The following CDC27 variants were observed in gnomAD, a reference collection of about 807,000 sequenced individuals.
The protein encoded by CDC27 is cell division cycle protein 27 homolog.
A neutral mutation model predicts 109.7 loss-of-function variants in CDC27; 27 were observed. The ratio of observed to expected loss-of-function variants is 0.25; its 90% CI spans 0.18 to 0.34. CDC27 has a LOEUF of 0.34. Among genes scored for constraint, CDC27 ranks in the 10% least tolerant of loss-of-function variants. The pLI, the probability that CDC27 is intolerant of heterozygous loss-of-function variation, is 1.00. For missense variants in CDC27, 579 were observed against 960.2 expected, an observed-to-expected ratio of 0.60 and a Z score of 5.25; for synonymous variants, 266 against 333.9, an observed-to-expected ratio of 0.80 and a Z score of 2.22.
At chr17:47,149,676 T>G (rs2063095134) in intron 9 of CDC27, among the ~76,000 whole-genome samples, 1 of 151,854 alleles carries the variant, frequency 6.6e-6, no homozygotes, top group Admixed American at 6.6e-5. Flanking sequence ...AAATTTCAGC[T>G]GGGCATGGTA....
At chr17:47,163,449 C>A (rs1263199674) in intron 4 of CDC27, among the ~76,000 whole-genome samples, 1 of 152,056 alleles carries the variant, frequency 6.6e-6, no homozygotes, top group Admixed American at 6.6e-5. Flanking sequence ...GCCTGTAATC[C>A]CAGCACTTTG....
intron 10 of CDC27, 42 bp downstream of exon 10, chr17:47,143,841 G>A (rs774312667): frequency 4.7e-5 from 43 of 907,808 alleles, no homozygotes; most frequent in South Asian, 7.9e-5. Flanking sequence ...GTTAGCAGGC[G>A]AAGCATTAAG....
chr17:47,188,973 G>T, intron 1 of CDC27, 173 bp downstream of exon 1: 1 of 1,466,126 alleles, frequency 6.8e-7, no homozygotes, highest in Non-Finnish European at 9.1e-7. Context: ...GAGGTAACAC[G>T]GCTTAGGCTG....
chr17:47,140,499 A>G (rs149846983), intron 12 of CDC27, among the ~76,000 whole-genome samples: 2 of 152,332 alleles, frequency 1.3e-5, no homozygotes, highest in African/African-American at 4.8e-5. Context: ...AGTTTTCAGA[A>G]TCTGTTGCTT....
intron 17 of CDC27, among the ~76,000 whole-genome samples, chr17:47,123,201 C>T (rs943436846): frequency 7.2e-5 from 11 of 152,050 alleles, no homozygotes; most frequent in Non-Finnish European, 1.3e-4. Flanking sequence ...GGATTATAAA[C>T]TGCTTAATTA....
chr17:47,178,064 T>C (rs527332471), intron 2 of CDC27, among the ~76,000 whole-genome samples: 4 of 152,138 alleles, frequency 2.6e-5, no homozygotes, highest in African/African-American at 9.6e-5. Flanking sequence ...ATGCTTACAA[T>C]GGGGGAAGGG....
At chr17:47,163,919 A>C (rs2063567631) in intron 4 of CDC27, among the ~76,000 whole-genome samples, 1 of 152,018 alleles carries the variant, frequency 6.6e-6, no homozygotes, top group Admixed American at 6.6e-5. Flanking sequence ...TCGTGTCACC[A>C]CGCCCAGCTG....
At chr17:47,126,801 A>AT (rs2062154577) in intron 16 of CDC27, among the ~76,000 whole-genome samples, 1 of 150,626 alleles carries the variant, frequency 6.6e-6, no homozygotes, top group Non-Finnish European at 1.5e-5. Context: ...TTATGAAAAA[A>AT]ATTTTTTTTT....
chr17:47,125,718 A>G (rs1305568633), intron 16 of CDC27, among the ~76,000 whole-genome samples: 1 of 150,130 alleles, frequency 6.7e-6, no homozygotes, highest in Non-Finnish European at 1.5e-5. Context: ...TAATTTTTGT[A>G]TTTTTAGTAG....
At chr17:47,176,711 G>C (rs1282217201) in intron 2 of CDC27, among the ~76,000 whole-genome samples, 1 of 152,154 alleles carries the variant, frequency 6.6e-6, no homozygotes, top group Non-Finnish European at 1.5e-5. Context: ...GGCAGGGAAC[G>C]GGAGATAAGG....
intron 6 of CDC27, 29 bp downstream of exon 6, chr17:47,157,201 T>A: frequency 6.3e-7 from 1 of 1,587,726 alleles, no homozygotes; most frequent in Non-Finnish European, 8.6e-7. Flanking sequence ...TTTCATAATA[T>A]TTTGAACACT....
chr17:47,155,443 A>G (rs948316318), intron 7 of CDC27, among the ~76,000 whole-genome samples: 1 of 152,026 alleles, frequency 6.6e-6, no homozygotes, highest in African/African-American at 2.4e-5. Context: ...ATAGGGTTTC[A>G]CCATGTTGGC....
At position 47,120,604 on chromosome 17, in the gene CDC27, TC is replaced by T. The variant is rs767315582; in HGVS notation, c.*330del. On this transcript the variant is annotated 3_prime_UTR_variant, in exon 19 of 19. Transcript: ENST00000066544. ...CTCTGGTTCATCACTATTTTCCATA[TC>T]TAATGGTTCCTTCAAGATAAAGCAT... 3 of 190,016 alleles carry T rather than the reference TC, an allele frequency of 1.6e-5. No homozygotes were observed. The highest frequency in any genetic ancestry group is 3.2e-5 in the Non-Finnish European group (3 of 92,550). The allele number at this position is 190,016 out of a possible 1,614,324, so 11.8% of individuals were successfully genotyped here.
Position 47,149,135 on chromosome 17 carries a change from CA to C in CDC27, c.1070+2670del, listed in dbSNP as rs562324410. Among the ~76,000 whole-genome samples the C allele has an allele frequency of 4.3e-3, 628 of 145,662 alleles. 3 individuals carry two copies. The highest frequency in any genetic ancestry group is 0.011 in the Middle Eastern group (3 of 276). ...ATTCTTGCCTAGTAAAAATATTGTTCAAAAATAAAGATGAAATAAGAACTTT... is the reference window on the plus strand; with the variant it reads ...ATTCTTGCCTAGTAAAAATATTGTTCAAAATAAAGATGAAATAAGAACTTT... On this transcript the variant is annotated intron_variant, in intron 9 of 18. Transcript: ENST00000066544.
chr17:47,154,546 G>T, intron 8 of CDC27, 126 bp downstream of exon 8: 1 of 582,792 alleles, frequency 1.7e-6, no homozygotes, highest in Non-Finnish European at 3.1e-6. Flanking sequence ...CCCTCTACCT[G>T]CTGGGTTCAA....
chr17:47,145,813 C>T (rs2062941223), intron 9 of CDC27, among the ~76,000 whole-genome samples: 1 of 151,760 alleles, frequency 6.6e-6, no homozygotes. Context: ...AGTGTAATCA[C>T]TTGAACCCGG....
chr17:47,132,787 A>T (rs1481460802), intron 14 of CDC27, among the ~76,000 whole-genome samples: 3 of 126,098 alleles, frequency 2.4e-5, no homozygotes, highest in African/African-American at 9.2e-5. Context: ...ATTATATTTT[A>T]AAGATAGCAC....
chr17:47,172,146 C>CAAA, intron 2 of CDC27, 82 bp from the exon 3 acceptor site: 2 of 670,308 alleles, frequency 3.0e-6, no homozygotes, highest in Non-Finnish European at 4.2e-6. Flanking sequence ...ACAAGTTTAG[C>CAAA]AAAAAAAAAA....
Position 47,122,434 on chromosome 17 carries a change from T to TGATA in CDC27, c.2392+6_2392+9dup. Reference sequence around the variant, plus strand: ...TTCTAAATACTCAAAATCATATGTATGATACTTACTGATCTGTTCTTCTTG... The same window carrying TGATA: ...TTCTAAATACTCAAAATCATATGTATGATAGATACTTACTGATCTGTTCTTCTTG... On this transcript the variant is annotated intron_variant, in intron 18 of 18. Transcript: ENST00000066544. 6.4e-7 allele frequency: 1 copy of TGATA among 1,562,974 alleles called. No individual in the cohort carries two copies. Among genetic ancestry groups the TGATA allele is most frequent in the South Asian group, 1.2e-5 (1 of 83,412 alleles).
Sources: allele counts gnomAD v4.1 joint callset (sites outside exome capture counted in the v4.1 genomes callset), GRCh38; gene constraint gnomAD v4.1.1; transcripts MANE v1.5; gene names NCBI Gene and HGNC (gene_info 2026-07-23, HGNC 2026-07-21).